Variants in MAX observed in about 807,000 individuals in gnomAD.
MAX encodes the protein protein max.
In MAX, 3 loss-of-function variants were observed where a neutral mutation model predicts 22.3. The ratio of observed to expected loss-of-function variants is 0.13; its 90% CI spans 0.06 to 0.35. The LOEUF is 0.35. MAX is among the 10% of genes least tolerant of loss of function. The pLI is 1.00. For missense variants in MAX, 119 were observed against 209.4 expected, an observed-to-expected ratio of 0.57 and a Z score of 2.66; for synonymous variants, 72 against 77.7, an observed-to-expected ratio of 0.93 and a Z score of 0.39.
chr14:65,096,276 T>C (rs1480770217), intron 2 of MAX, among the ~76,000 whole-genome samples: 5 of 152,210 alleles, frequency 3.3e-5, no homozygotes, highest in Non-Finnish European at 5.9e-5. Context: ...CCTGAGCTAC[T>C]AGTGGAGTCA....
chr14:65,092,882 T>G (rs183534310), intron 3 of MAX, among the ~76,000 whole-genome samples: 48 of 152,348 alleles, frequency 3.2e-4, no homozygotes, highest in Non-Finnish European at 5.9e-4. Flanking sequence ...TATAAAACAC[T>G]GGATCACTAA....
chr14:65,059,128 T>C (rs1283343536), intron 3 of MAX, among the ~76,000 whole-genome samples: 1 of 152,162 alleles, frequency 6.6e-6, no homozygotes, highest in African/African-American at 2.4e-5. Context: ...GCTCAAGCTA[T>C]CCTCCTGCCT....
At chr14:65,099,941 A>G (rs571291407) in intron 2 of MAX, among the ~76,000 whole-genome samples, 59 of 152,316 alleles carry the variant, frequency 3.9e-4, no homozygotes, top group African/African-American at 1.4e-3. Flanking sequence ...CTTAATGCCT[A>G]TCTGCTTAGA....
Position 65,032,714 on chromosome 14 carries a change from T to A in MAX, c.172-26430A>T. ...ATAGCAAGGTGAGAGAAGCCAGGGT[T>A]TCTCCTGGCCTCTTGGAGAGCAGGC... On this transcript the variant is annotated intron_variant, in intron 3 of 3. Transcript: ENST00000341653. The surrounding 1 kb of genome is among the most constrained non-coding windows in gnomAD (Gnocchi z 5.0). 6.2e-7 allele frequency: 1 copy of A among 1,612,014 alleles called. No individual in the cohort carries two copies. The highest frequency in any genetic ancestry group is 1.1e-5 in the South Asian group (1 of 90,854).
intron 3 of MAX, among the ~76,000 whole-genome samples, chr14:65,033,813 C>T (rs1470649166): frequency 3.9e-5 from 6 of 152,110 alleles, no homozygotes; most frequent in Non-Finnish European, 7.4e-5. Flanking sequence ...GCCGAGATCA[C>T]GCCACTGCAC....
chr14:65,023,838 C>T lies in MAX; in HGVS notation c.172-17554G>A, dbSNP rs953463826. Reference sequence around the variant, plus strand: ...ACTCTCAGCCGGGCATGGTGGCTCACGCCTGTAATCCTAGCACTTTGGGAG... The same window carrying T: ...ACTCTCAGCCGGGCATGGTGGCTCATGCCTGTAATCCTAGCACTTTGGGAG... On this transcript the variant is annotated intron_variant, in intron 3 of 3. Transcript: ENST00000341653. This position sits in a 1 kb window ranked among gnomAD's most constrained non-coding sequence, Gnocchi z 4.1. Among the ~76,000 whole-genome samples the T allele has an allele frequency of 6.6e-6, 1 of 152,090 alleles. No homozygotes were observed. The highest frequency in any genetic ancestry group is 2.1e-4 in the South Asian group (1 of 4,810).
At chr14:65,053,319 C>A in intron 3 of MAX, 1 of 1,443,794 alleles carries the variant, frequency 6.9e-7, no homozygotes, top group Non-Finnish European at 9.2e-7. Flanking sequence ...TGCCAGTGCC[C>A]TGCGGGGGGG....
rs1407707046 is a variant in MAX, at chr14:65,032,363, G to A, written c.172-26079C>T. 2.5e-6 allele frequency: 1 copy of A among 398,166 alleles called. No homozygotes were observed. The highest frequency in any genetic ancestry group is 4.4e-5 in the East Asian group (1 of 22,642). The allele number at this position is 398,166 out of a possible 1,614,324, so 24.7% of individuals were successfully genotyped here. On this transcript the variant is annotated intron_variant, in intron 3 of 3. Coordinates refer to the MAX transcript ENST00000341653. This position sits in a 1 kb window ranked among gnomAD's most constrained non-coding sequence, Gnocchi z 5.0. ...CTGTTATTTCCTCTGATGTAGATTG[G>A]ACCATGTGGAGGTAGGGAGAATAGA...
At chr14:65,102,576 T>C, upstream of MAX, 2 of 1,435,076 alleles carry the variant, frequency 1.4e-6, no homozygotes, top group Non-Finnish European at 1.8e-6. Flanking sequence ...GTGACCAGGC[T>C]CGCAGCGCTG....
In MAX at chr14:65,047,595, G is replaced by T; in HGVS notation, c.172-41311C>A. Among the ~76,000 whole-genome samples the T allele has an allele frequency of 6.6e-6, 1 of 152,052 alleles. No individual in the cohort carries two copies. Among genetic ancestry groups the T allele is most frequent in the Non-Finnish European group, 1.5e-5 (1 of 68,012 alleles). On this transcript the variant is annotated intron_variant, in intron 3 of 3. Coordinates refer to the MAX transcript ENST00000341653. This position sits in a 1 kb window ranked among gnomAD's most constrained non-coding sequence, Gnocchi z 5.2. ...AAATAGGTTAAGTCATTTTTTGGAGGGCAGTTTGGAGACATCCATTTAAAT... is the reference window on the plus strand; with the variant it reads ...AAATAGGTTAAGTCATTTTTTGGAGTGCAGTTTGGAGACATCCATTTAAAT...
intron 3 of MAX, among the ~76,000 whole-genome samples, chr14:65,087,082 G>A (rs1422331837): frequency 6.6e-6 from 1 of 152,222 alleles, no homozygotes; most frequent in East Asian, 1.9e-4. Flanking sequence ...TCATGGTATT[G>A]AGCCTGGGAG....
intron 3 of MAX, chr14:65,061,740 C>T (rs1272855191): frequency 6.0e-6 from 1 of 167,136 alleles, no homozygotes; most frequent in Non-Finnish European, 1.3e-5. Flanking sequence ...TGCTTCATGC[C>T]AAGGCTGGGC....
intron 2 of MAX, among the ~76,000 whole-genome samples, chr14:65,096,971 C>G (rs2063692916): frequency 6.6e-6 from 1 of 152,180 alleles, no homozygotes; most frequent in South Asian, 2.1e-4. Flanking sequence ...GTCTGGATGT[C>G]TGCCAGAAAA....
In MAX at chr14:65,029,126, C is replaced by G. The variant is rs2062035054; in HGVS notation, c.172-22842G>C. Reference sequence around the variant, plus strand: ...CACTGTAGCCATATTCTTCCCTGACCTTTGCTCTTTGGGTGATGCTCTGCC... The same window carrying G: ...CACTGTAGCCATATTCTTCCCTGACGTTTGCTCTTTGGGTGATGCTCTGCC... On this transcript the variant is annotated intron_variant, in intron 3 of 3. Coordinates refer to the MAX transcript ENST00000341653. The surrounding 1 kb of genome is among the most constrained non-coding windows in gnomAD (Gnocchi z 4.7). 6.6e-6 allele frequency among the ~76,000 whole-genome samples: 1 copy of G among 152,160 alleles called. No individual in the cohort carries two copies.
chr14:65,089,813 G>GGGCCA (rs1402684901), intron 3 of MAX: 1 of 130,464 alleles, frequency 7.7e-6, no homozygotes, highest in Admixed American at 8.6e-5. Flanking sequence ...AGCGGGGAGG[G>GGGCCA]GGCCACAGTT....
At chr14:65,058,346 G>A (rs1381088996) in intron 3 of MAX, among the ~76,000 whole-genome samples, 1 of 150,038 alleles carries the variant, frequency 6.7e-6, no homozygotes, top group Non-Finnish European at 1.5e-5. Context: ...TTTTGTAACT[G>A]TTTGTTACTA....
intron 3 of MAX, chr14:65,053,347 C>G: frequency 7.0e-7 from 1 of 1,424,490 alleles, no homozygotes; most frequent in African/African-American, 1.5e-5. Context: ...ATAAACCTGG[C>G]AAGTGAGTGT....
chr14:65,025,314 T>C (rs976003054), intron 3 of MAX, among the ~76,000 whole-genome samples: 1 of 152,228 alleles, frequency 6.6e-6, no homozygotes, highest in Non-Finnish European at 1.5e-5. Context: ...GGTGACTCTT[T>C]TTCTTTCTTT....
Position 65,076,145 on chromosome 14 carries a change from G to T in MAX, c.*331C>A. The T allele has an allele frequency of 7.5e-7, 1 of 1,325,820 alleles. No individual in the cohort carries two copies. The highest frequency in any genetic ancestry group is 9.6e-7 in the Non-Finnish European group (1 of 1,037,442). The allele number at this position is 1,325,820 out of a possible 1,614,324, so 82.1% of individuals were successfully genotyped here. On this transcript the variant is annotated 3_prime_UTR_variant, in exon 5 of 5. Transcript: ENST00000358664. This position sits in a 1 kb window ranked among gnomAD's most constrained non-coding sequence, Gnocchi z 6.6. ...CGGCAGGGCTGGAGGAGCTGGTAGGGTGGGCAGGACACTATGTGCTCAGAG... is the reference window on the plus strand; with the variant it reads ...CGGCAGGGCTGGAGGAGCTGGTAGGTTGGGCAGGACACTATGTGCTCAGAG...
Sources: gnomAD v4.1 joint callset for allele counts (sites outside exome capture counted in the v4.1 genomes callset) on GRCh38, gnomAD v4.1.1 for gene constraint, Gnocchi (gnomAD v3.1) non-coding constraint, MANE v1.5 for transcripts, NCBI Gene and HGNC (gene_info 2026-07-23, HGNC 2026-07-21) for gene names.